Variants in ARMC6 observed in about 807,000 individuals in gnomAD.
ARMC6 encodes armadillo repeat-containing protein 6.
ARMC6 carries 43 observed loss-of-function variants against 49.2 expected under a neutral mutation model. The ratio of observed to expected loss-of-function variants is 0.87; its 90% CI spans 0.69 to 1.13. ARMC6 has a LOEUF of 1.13. Among genes scored for constraint, ARMC6 ranks in the 50% most tolerant of loss-of-function variants. The pLI is 0.00. For missense variants in ARMC6, 627 were observed against 682.0 expected (o/e 0.92, Z 0.90); for synonymous variants, 262 against 289.6 (o/e 0.90, Z 0.97).
chr19:19,051,375 C>CTGTGTG (rs35164662), intron 4 of ARMC6, among the ~76,000 whole-genome samples: 4,948 of 139,694 alleles, frequency 0.035, 110 homozygotes, highest in Middle Eastern at 0.066. Context: ...CTCTCTCTCT[C>CTGTGTG]TGTGTGTGTG....
intron 2 of ARMC6, among the ~76,000 whole-genome samples, chr19:19,037,379 CTTTT>C (rs34331029): frequency 7.1e-6 from 1 of 140,884 alleles, no homozygotes. Context: ...TTTCTTTTTC[CTTTT>C]TTTTTTTTTT....
Position 19,057,651 on chromosome 19 carries a change from G to T in ARMC6, c.*23G>T. Reference sequence around the variant, plus strand: ...TGACCCCAGGCCCAGTCTGGGCCGTGACTCTGGGTGAGTCGTGTGACTCAG... The same window carrying T: ...TGACCCCAGGCCCAGTCTGGGCCGTTACTCTGGGTGAGTCGTGTGACTCAG... On this transcript the variant is annotated 3_prime_UTR_variant, in exon 9 of 9. Coordinates refer to ENST00000535612, the MANE Select transcript of ARMC6 (RefSeq NM_001199196.2). 2 of 1,607,234 alleles carry T rather than the reference G, an allele frequency of 1.2e-6. No homozygotes were observed. The highest frequency in any genetic ancestry group is 2.2e-5 in the South Asian group (2 of 91,014).
At chr19:19,045,518 C>G (rs1568491466) in intron 4 of ARMC6, among the ~76,000 whole-genome samples, 1 of 8,574 alleles carries the variant, frequency 1.2e-4, no homozygotes, top group African/African-American at 4.9e-4. Context: ...ACAAGAGTCT[C>G]ACTCTGTTGC....
intron 2 of ARMC6, among the ~76,000 whole-genome samples, chr19:19,037,332 A>T (rs2059378794): frequency 6.6e-6 from 1 of 151,558 alleles, no homozygotes; most frequent in Non-Finnish European, 1.5e-5. Flanking sequence ...ATCCCATGCC[A>T]CTGCCTGAAA....
intron 5 of ARMC6, 57 bp from the exon 6 acceptor site, chr19:19,054,093 CAG>C: frequency 1.4e-6 from 2 of 1,451,552 alleles, no homozygotes; most frequent in Non-Finnish European, 1.8e-6. Flanking sequence ...TCCACCAAAA[CAG>C]AGGGCCCTGC....
chr19:19,051,493 G>T, intron 4 of ARMC6, 129 bp from the exon 5 acceptor site: 1 of 834,668 alleles, frequency 1.2e-6, no homozygotes, highest in Non-Finnish European at 1.9e-6. Context: ...GCTGTAACTT[G>T]CCCCACATCA....
At chr19:19,040,440 A>T (rs940586494) in intron 2 of ARMC6, among the ~76,000 whole-genome samples, 8 of 152,032 alleles carry the variant, frequency 5.3e-5, no homozygotes, top group African/African-American at 9.7e-5. Flanking sequence ...TTTTTAAAAA[A>T]ATTGTTACTA....
At chr19:19,041,596 G>T (rs1355859604) in intron 2 of ARMC6, among the ~76,000 whole-genome samples, 2 of 152,174 alleles carry the variant, frequency 1.3e-5, no homozygotes, top group African/African-American at 4.8e-5. Flanking sequence ...TCATCCACCT[G>T]CCTCGGCCTC....
At chr19:19,039,400 GCA>G (rs1400661516) in intron 2 of ARMC6, 1 of 454,112 alleles carries the variant, frequency 2.2e-6, no homozygotes, top group East Asian at 7.0e-5. Context: ...GCCTCCTAAA[GCA>G]CTGGGATCAC....
intron 4 of ARMC6, among the ~76,000 whole-genome samples, chr19:19,048,276 G>A (rs978826605): frequency 1.2e-4 from 18 of 152,256 alleles, no homozygotes; most frequent in Non-Finnish European, 2.2e-4. Context: ...AACCCGGGAG[G>A]CAGAGGTTGC....
intron 1 of ARMC6, 68 bp downstream of exon 1, chr19:19,033,998 C>T (rs1239835322): frequency 1.8e-6 from 1 of 555,184 alleles, no homozygotes; most frequent in Admixed American, 3.0e-5. Context: ...CAGGGTCGGG[C>T]TGGCGCGACC....
At chr19:19,051,100 G>A (rs1432394611) in intron 4 of ARMC6, among the ~76,000 whole-genome samples, 1 of 152,220 alleles carries the variant, frequency 6.6e-6, no homozygotes, top group Non-Finnish European at 1.5e-5. Context: ...ACATCAGGAT[G>A]GGTATGTCTG....
rs1195013968 is a variant in ARMC6 at position 19,057,784 on chromosome 19, G to GC, written c.*158dup. ...AGGTAAAGGGTCGGGGGAGGGGGGAGCCTTGTAGGGAGGCCTCTACACAGA... is the reference window on the plus strand; with the variant it reads ...AGGTAAAGGGTCGGGGGAGGGGGGAGCCCTTGTAGGGAGGCCTCTACACAGA... On this transcript the variant is annotated 3_prime_UTR_variant, in exon 9 of 9. Coordinates refer to ENST00000535612, the MANE Select transcript of ARMC6 (RefSeq NM_001199196.2). 3 of 845,628 alleles carry GC rather than the reference G, an allele frequency of 3.5e-6. No individual in the cohort carries two copies. The highest frequency in any genetic ancestry group is 6.0e-6 in the Non-Finnish European group (3 of 497,958). The allele number at this position is 845,628 out of a possible 1,614,324, so 52.4% of individuals were successfully genotyped here. A position where few individuals can be genotyped will look rare whatever the true frequency, so the allele number is the denominator to read the frequency against.
rs1568495255 is a variant in ARMC6, at chr19:19,052,070, G to GC, written c.729dup (p.Trp244LeufsTer10). ...CACACTGACGTGGTCAGGGAAGCCT[G>GC]CTGGGCCCTGCGTGTCATGACCTTC... On this transcript the variant is annotated frameshift_variant, in exon 5 of 9. Transcript: ENST00000535612. LOFTEE classifies it high-confidence loss of function. 5 of 1,613,962 alleles carry GC rather than the reference G, an allele frequency of 3.1e-6. No homozygotes were observed. Among genetic ancestry groups the GC allele is most frequent in the Non-Finnish European group, 4.2e-6 (5 of 1,180,056 alleles).
chr19:19,056,412 C>G (rs2059545474), intron 8 of ARMC6, among the ~76,000 whole-genome samples: 3 of 152,082 alleles, frequency 2.0e-5, no homozygotes, highest in Non-Finnish European at 4.4e-5. Flanking sequence ...CAGGCATGGG[C>G]CACCACGCCC....
At chr19:19,046,927 G>GTTT (rs386388691) in intron 4 of ARMC6, among the ~76,000 whole-genome samples, 3,329 of 104,252 alleles carry the variant, frequency 0.032, 173 homozygotes, top group African/African-American at 0.079. Flanking sequence ...ATGCTCACCT[G>GTTT]TTTTTTTTTT....
Position 19,057,820 on chromosome 19 carries a change from C to G in ARMC6, c.*192C>G. 1 of 758,042 alleles carries G rather than the reference C, an allele frequency of 1.3e-6. No homozygotes were observed. Among genetic ancestry groups the G allele is most frequent in the Non-Finnish European group, 2.4e-6 (1 of 421,330 alleles). 47.0% of individuals were successfully genotyped at this position (758,042 alleles called of 1,614,324 possible). A position where few individuals can be genotyped will look rare whatever the true frequency, so the allele number is the denominator to read the frequency against. ...AGGCCTCTACACAGAAGAAAGCAGC[C>G]CCCATGTCCCAGCCACTTCTGGGTC... is the stretch of plus-strand genomic sequence containing the variant. On this transcript the variant is annotated 3_prime_UTR_variant, in exon 9 of 9. Coordinates refer to ENST00000535612, the MANE Select transcript of ARMC6 (RefSeq NM_001199196.2).
intron 1 of ARMC6, 90 bp downstream of exon 1, chr19:19,034,020 G>A (rs1343331845): frequency 1.3e-5 from 7 of 537,222 alleles, no homozygotes; most frequent in South Asian, 1.0e-4. Flanking sequence ...TCGGGTACGT[G>A]GTTTGGGGGG....
chr19:19,054,824 G>C (rs1364495317), intron 6 of ARMC6, among the ~76,000 whole-genome samples: 3 of 152,154 alleles, frequency 2.0e-5, no homozygotes, highest in Non-Finnish European at 4.4e-5. Flanking sequence ...AAGTGGCCAG[G>C]AGCTGAATGG....
Sources: allele counts gnomAD v4.1 joint callset (sites outside exome capture counted in the v4.1 genomes callset), GRCh38; gene constraint gnomAD v4.1.1; transcripts MANE v1.5; gene names NCBI Gene and HGNC (gene_info 2026-07-23, HGNC 2026-07-21).